CREM: variants seen among roughly 807,000 people sequenced by gnomAD.
The protein encoded by CREM is cAMP responsive element modulator, also known as cAMP-responsive element modulator.
CREM carries 13 observed loss-of-function variants against 37.3 expected under a neutral mutation model. That is an observed-to-expected ratio of 0.35 (90% CI 0.23 to 0.55). The LOEUF (loss-of-function observed/expected upper bound fraction) is 0.55, where lower values mean the gene tolerates loss of function less well. Among genes scored for constraint, CREM ranks in the 20% least tolerant of loss-of-function variants. The probability of loss-of-function intolerance (pLI) is 0.88; values close to 1 mark genes in which losing one functional copy is unlikely to be tolerated. For synonymous variants in CREM, 124 were observed against 120.2 expected (o/e 1.03, Z -0.21); for missense variants, 296 against 362.3 (o/e 0.82, Z 1.49).
chr10:35,183,960 G>A (rs2094453063), intron 5 of CREM, among the ~76,000 whole-genome samples: 1 of 152,190 alleles, frequency 6.6e-6, no homozygotes, highest in Non-Finnish European at 1.5e-5. Flanking sequence ...TGTAATCCCA[G>A]CTACTTTGGA....
chr10:35,173,767 T>G (rs1411502997), intron 3 of CREM, among the ~76,000 whole-genome samples: 1 of 152,180 alleles, frequency 6.6e-6, no homozygotes, highest in Non-Finnish European at 1.5e-5. Flanking sequence ...TACAAGTCAG[T>G]GTTCCTCCTT....
At chr10:35,156,689 T>C (rs1050528158) in intron 3 of CREM, among the ~76,000 whole-genome samples, 4 of 152,232 alleles carry the variant, frequency 2.6e-5, no homozygotes, top group Admixed American at 2.6e-4. Context: ...ATCTTCATAG[T>C]GCTCTCCACA....
intron 2 of CREM, among the ~76,000 whole-genome samples, chr10:35,145,034 G>T (rs2091903489): frequency 6.6e-6 from 1 of 151,690 alleles, no homozygotes; most frequent in South Asian, 2.1e-4. Context: ...GGTGGCGCGT[G>T]CCTGTAATCC....
intron 2 of CREM, among the ~76,000 whole-genome samples, chr10:35,146,165 T>C (rs1024136415): frequency 6.6e-6 from 1 of 152,268 alleles, no homozygotes; most frequent in African/African-American, 2.4e-5. Flanking sequence ...TTTCGGCATA[T>C]AATTTTTGAG....
At chr10:35,202,224 A>G (rs1487583849) in intron 6 of CREM, among the ~76,000 whole-genome samples, 1 of 152,208 alleles carries the variant, frequency 6.6e-6, no homozygotes, top group African/African-American at 2.4e-5. Flanking sequence ...CTTTATAAGA[A>G]TACAGGAATA....
intron 7 of CREM, among the ~76,000 whole-genome samples, chr10:35,210,214 G>A (rs900860493): frequency 9.9e-5 from 15 of 152,044 alleles, no homozygotes; most frequent in Non-Finnish European, 1.5e-4. Flanking sequence ...TTGACATGAA[G>A]GGTGATCTAC....
At chr10:35,170,542 G>T (rs531836793) in intron 3 of CREM, among the ~76,000 whole-genome samples, 23 of 152,154 alleles carry the variant, frequency 1.5e-4, no homozygotes, top group African/African-American at 5.3e-4. Flanking sequence ...GACTTTTTTT[G>T]GTTGGTAGGC....
At chr10:35,162,845 A>G (rs1327433874) in intron 3 of CREM, among the ~76,000 whole-genome samples, 7 of 152,200 alleles carry the variant, frequency 4.6e-5, no homozygotes, top group Non-Finnish European at 7.3e-5. Flanking sequence ...CCATTTGCCC[A>G]GTTGTGAGAT....
intron 3 of CREM, among the ~76,000 whole-genome samples, chr10:35,155,649 A>G (rs1242291893): frequency 6.8e-6 from 1 of 146,066 alleles, no homozygotes; most frequent in Non-Finnish European, 1.5e-5. Context: ...TTTTGTAGAG[A>G]TGGGAGTCTC....
chr10:35,178,822 T>C (rs112419367), intron 3 of CREM, 67 bp from the exon 4 acceptor site: 9 of 1,327,548 alleles, frequency 6.8e-6, no homozygotes, highest in African/African-American at 4.4e-5. Context: ...ACTCTTAGCC[T>C]CAATTTTTTG....
chr10:35,161,491 C>T (rs1373760406), intron 3 of CREM, among the ~76,000 whole-genome samples: 1 of 151,648 alleles, frequency 6.6e-6, no homozygotes, highest in Non-Finnish European at 1.5e-5. Context: ...AAGACTCCAT[C>T]TCAAAAACAA....
At chr10:35,184,874 C>T (rs946636503) in intron 5 of CREM, among the ~76,000 whole-genome samples, 1 of 152,146 alleles carries the variant, frequency 6.6e-6, no homozygotes, top group African/African-American at 2.4e-5. Context: ...CAGCTACTCT[C>T]ACCTCAGATT....
At chr10:35,171,857 A>G (rs1321906969) in intron 3 of CREM, among the ~76,000 whole-genome samples, 1 of 152,248 alleles carries the variant, frequency 6.6e-6, no homozygotes, top group Admixed American at 6.5e-5. Flanking sequence ...TGATTTGAGA[A>G]AATGTAATAT....
At chr10:35,160,115 C>G (rs1287665147) in intron 3 of CREM, among the ~76,000 whole-genome samples, 3 of 152,106 alleles carry the variant, frequency 2.0e-5, no homozygotes, top group African/African-American at 7.2e-5. Flanking sequence ...TGGTATAGCC[C>G]ACTACATACC....
At chr10:35,185,102 A>C (rs906230227) in intron 5 of CREM, among the ~76,000 whole-genome samples, 1 of 140,120 alleles carries the variant, frequency 7.1e-6, no homozygotes, top group Non-Finnish European at 1.5e-5. Context: ...TAGGCTTTGT[A>C]CTTCTTTTTT....
chr10:35,167,698 G>A (rs768792377), intron 3 of CREM: 3 of 1,608,462 alleles, frequency 1.9e-6, no homozygotes, highest in Admixed American at 1.7e-5. Context: ...TTCAGATTAA[G>A]TACTGTTTAT....
At chr10:35,143,412 A>T (rs1369869212) in intron 2 of CREM, among the ~76,000 whole-genome samples, 2 of 152,166 alleles carry the variant, frequency 1.3e-5, no homozygotes, top group East Asian at 3.9e-4. Flanking sequence ...GTCAAGGGAG[A>T]GGGTAAGATG....
chr10:35,190,402 G>C (rs1444724396), intron 6 of CREM, among the ~76,000 whole-genome samples: 6 of 152,096 alleles, frequency 3.9e-5, no homozygotes, highest in Non-Finnish European at 7.4e-5. Flanking sequence ...TTCCTCACTG[G>C]TGTATGGGGC....
At chr10:35,130,443 C>G (rs1255063650) in intron 1 of CREM, among the ~76,000 whole-genome samples, 1 of 151,944 alleles carries the variant, frequency 6.6e-6, no homozygotes, top group African/African-American at 2.4e-5. Context: ...AAGAAGAAAA[C>G]CTAAGGATAT....
Sources: gnomAD v4.1 joint callset for allele counts (sites outside exome capture counted in the v4.1 genomes callset) on GRCh38, gnomAD v4.1.1 for gene constraint, MANE v1.5 for transcripts, NCBI Gene and HGNC (gene_info 2026-07-23, HGNC 2026-07-21) for gene names.